Variants in CRACD observed in about 807,000 individuals in gnomAD.
CRACD encodes capping protein-inhibiting regulator of actin dynamics.
A neutral mutation model predicts 106.8 loss-of-function variants in CRACD; 56 were observed. That is an observed-to-expected ratio of 0.52 (90% CI 0.42 to 0.66). The LOEUF (loss-of-function observed/expected upper bound fraction) is 0.66. CRACD is among the 30% of genes least tolerant of loss of function. CRACD has a pLI of 0.00. For synonymous variants in CRACD, 754 were observed against 670.8 expected, an observed-to-expected ratio of 1.12 and a Z score of -1.92; for missense variants, 1,730 against 1,623.2, an observed-to-expected ratio of 1.07 and a Z score of -1.13.
At chr4:56,080,066 T>A (rs1400017640) in intron 1 of CRACD, among the ~76,000 whole-genome samples, 1 of 152,178 alleles carries the variant, frequency 6.6e-6, no homozygotes, top group African/African-American at 2.4e-5. Context: ...GGCGGTGGCA[T>A]GTGTCATTGC....
chr4:56,249,316 T>C (rs1016758500), intron 2 of CRACD, among the ~76,000 whole-genome samples: 8 of 147,806 alleles, frequency 5.4e-5, no homozygotes, highest in Non-Finnish European at 1.2e-4. Context: ...TGCATTTCTC[T>C]GATGGCCAGT....
intron 3 of CRACD, among the ~76,000 whole-genome samples, chr4:56,284,335 T>TAATAGAAAGCACTATGGGAAAAACA (rs1456417336): frequency 9.0e-6 from 1 of 111,262 alleles, no homozygotes; most frequent in Non-Finnish European, 1.9e-5. Context: ...ACAAATTTGA[T>TAATAGAAAGCACTATGGGAAAAACA]AATAGAAAGC....
intron 3 of CRACD, among the ~76,000 whole-genome samples, chr4:56,288,028 C>A (rs1388169138): frequency 6.6e-6 from 1 of 152,142 alleles, no homozygotes; most frequent in African/African-American, 2.4e-5. Flanking sequence ...GTATTTGAAC[C>A]TTCTTGGGTA....
rs1739974176 is a variant in CRACD at position 56,236,461 on chromosome 4, T to C, written c.-188-35860T>C. Among the ~76,000 whole-genome samples, 3 of 152,198 alleles carry C rather than the reference T, an allele frequency of 2.0e-5. No homozygotes were observed. The South Asian group carries it at 6.2e-4, about 32-fold the overall frequency. ...CAAACACAGTGGCTAAGGAAACTAA[T>C]TTCAATCAGAGACAATATTCAAAAT... On this transcript the variant is annotated intron_variant, in intron 2 of 10. Coordinates refer to ENST00000682029, the MANE Select transcript of CRACD (RefSeq NM_001393381.1).
chr4:56,229,977 G>T (rs918286426), intron 2 of CRACD, among the ~76,000 whole-genome samples: 3 of 152,120 alleles, frequency 2.0e-5, no homozygotes, highest in African/African-American at 7.2e-5. Context: ...ATTAAATATT[G>T]CTTGGAAAAA....
chr4:56,071,001 C>T (rs1405007206), intron 1 of CRACD, among the ~76,000 whole-genome samples: 1 of 152,020 alleles, frequency 6.6e-6, no homozygotes, highest in Non-Finnish European at 1.5e-5. Flanking sequence ...TGTGTTGTGT[C>T]TGGCATGGCC....
At chr4:56,245,865 G>A (rs529053012) in intron 2 of CRACD, among the ~76,000 whole-genome samples, 7 of 152,306 alleles carry the variant, frequency 4.6e-5, no homozygotes, top group African/African-American at 1.4e-4. Flanking sequence ...AAGGTCACTG[G>A]CATGTAAACA....
chr4:56,093,939 AT>A (rs1733509163), intron 1 of CRACD, among the ~76,000 whole-genome samples: 1 of 152,198 alleles, frequency 6.6e-6, no homozygotes, highest in Non-Finnish European at 1.5e-5. Flanking sequence ...AAATTGGGAC[AT>A]AGTTTTGATA....
intron 1 of CRACD, among the ~76,000 whole-genome samples, chr4:56,140,345 A>T (rs999469732): frequency 2.0e-5 from 3 of 152,180 alleles, no homozygotes; most frequent in Non-Finnish European, 2.9e-5. Flanking sequence ...ACATTGGCTG[A>T]TACATACTGC....
At chr4:56,323,630 A>G (rs1056469969) in intron 9 of CRACD, 63 bp downstream of exon 9, 5 of 1,422,060 alleles carry the variant, frequency 3.5e-6, no homozygotes, top group Admixed American at 6.1e-5. Flanking sequence ...TTTCAGTCAC[A>G]AGGATACAAA....
At chr4:56,210,480 T>C (rs1319388999) in intron 2 of CRACD, among the ~76,000 whole-genome samples, 8 of 152,234 alleles carry the variant, frequency 5.3e-5, no homozygotes, top group Non-Finnish European at 1.5e-5. Flanking sequence ...TGTCAATCTC[T>C]TGATTACCTC....
At chr4:56,149,887 G>A (rs1487281403) in intron 1 of CRACD, among the ~76,000 whole-genome samples, 1 of 152,126 alleles carries the variant, frequency 6.6e-6, no homozygotes, top group Non-Finnish European at 1.5e-5. Context: ...TAGTTCTGAT[G>A]ACTTTTTAAA....
intron 1 of CRACD, among the ~76,000 whole-genome samples, chr4:56,085,527 T>G (rs919814473): frequency 3.3e-5 from 5 of 152,216 alleles, no homozygotes; most frequent in African/African-American, 1.2e-4. Context: ...AGTCTTCATC[T>G]GTCTTAGAGG....
intron 2 of CRACD, among the ~76,000 whole-genome samples, chr4:56,188,077 C>G (rs926513207): frequency 6.6e-6 from 1 of 152,154 alleles, no homozygotes; most frequent in African/African-American, 2.4e-5. Context: ...CATCCTTAGT[C>G]TAAACTTCAC....
chr4:56,123,426 C>T (rs768428249), intron 1 of CRACD, among the ~76,000 whole-genome samples: 1 of 152,170 alleles, frequency 6.6e-6, no homozygotes, highest in Non-Finnish European at 1.5e-5. Flanking sequence ...AGAGAATTAT[C>T]TATCTTCCAC....
chr4:56,054,259 C>G (rs1180320913), intron 1 of CRACD, among the ~76,000 whole-genome samples: 10 of 152,196 alleles, frequency 6.6e-5, no homozygotes, highest in African/African-American at 2.4e-4. Flanking sequence ...TGGCTCACTG[C>G]AGCCTCTACC....
intron 1 of CRACD, among the ~76,000 whole-genome samples, chr4:56,071,198 C>T (rs1732635901): frequency 6.6e-6 from 1 of 152,066 alleles, no homozygotes; most frequent in Admixed American, 6.6e-5. Context: ...AGTTTTTGCC[C>T]TAGGATAAAC....
rs149893954 is a variant in CRACD at position 56,089,428 on chromosome 4, G to T, written c.-336+40129G>T. On this transcript the variant is annotated intron_variant, in intron 1 of 10. Transcript: ENST00000682029. ...GTCTACTGTTAAGTTGCCGCCTACG[G>T]CATTGCTTCCTGTGGGGAACCTAGC... Among the ~76,000 whole-genome samples the T allele has an allele frequency of 3.3e-5, 5 of 152,202 alleles. No homozygotes were observed. The East Asian group carries it at 9.7e-4, about 29-fold the overall frequency.
chr4:56,306,386 T>A (rs1185217797), intron 4 of CRACD, among the ~76,000 whole-genome samples: 1 of 151,974 alleles, frequency 6.6e-6, no homozygotes, highest in Non-Finnish European at 1.5e-5. Context: ...CCCAGCTACT[T>A]GGAAGGCTGA....
Sources: allele counts gnomAD v4.1 joint callset (sites outside exome capture counted in the v4.1 genomes callset), GRCh38; gene constraint gnomAD v4.1.1; transcripts MANE v1.5; gene names NCBI Gene and HGNC (gene_info 2026-07-23, HGNC 2026-07-21).